ADAMTS10: variants seen among roughly 807,000 people sequenced by gnomAD.
ADAMTS10 encodes the protein ADAM metallopeptidase with thrombospondin type 1 motif 10.
ADAMTS10 carries 48 observed loss-of-function variants against 135.9 expected under a neutral mutation model. The observed-to-expected ratio is 0.35, with a 90% CI of 0.28 to 0.45. The LOEUF (loss-of-function observed/expected upper bound fraction) is 0.45, where lower values mean the gene tolerates loss of function less well. ADAMTS10 is among the 20% of genes least tolerant of loss of function. The pLI, the probability that ADAMTS10 is intolerant of heterozygous loss-of-function variation, is 1.00. For missense variants in ADAMTS10, 1,131 were observed against 1,565.2 expected, an observed-to-expected ratio of 0.72 and a Z score of 4.68; for synonymous variants, 621 against 647.5, an observed-to-expected ratio of 0.96 and a Z score of 0.62.
intron 25 of ADAMTS10, 129 bp from the exon 26 acceptor site, chr19:8,581,131 T>TTTTTTTTTTTTTTTTTTTTTTTTTTTTTC (rs2042343416): frequency 3.5e-5 from 1 of 28,572 alleles, no homozygotes; most frequent in Non-Finnish European, 6.5e-5. Context: ...TTAAATTTAC[T>TTTTTTTTTTTTTTTTTTTTTTTTTTTTTC]TTTTTTTTTT....
chr19:8,600,790 G>C (rs543731041), intron 6 of ADAMTS10, 138 bp downstream of exon 6: 4 of 1,085,088 alleles, frequency 3.7e-6, no homozygotes, highest in African/African-American at 1.5e-5. Flanking sequence ...GAGCCACCGC[G>C]CCCGGCCTGC....
chr19:8,605,891 T>G lies in ADAMTS10; in HGVS notation c.-99-82A>C. The G allele has an allele frequency of 7.7e-7, 1 of 1,291,268 alleles. No individual in the cohort carries two copies. The highest frequency in any genetic ancestry group is 2.8e-5 in the Admixed American group (1 of 35,196). The allele number at this position is 1,291,268 out of a possible 1,614,324, so 80.0% of individuals were successfully genotyped here. ...TGCCAAGGCCAATCATGGCCAAAGC[T>G]TTTCACCTGACTCTGAAGATTCTGA... On this transcript the variant is annotated intron_variant, in intron 2 of 25. Coordinates refer to ENST00000597188, the MANE Select transcript of ADAMTS10 (RefSeq NM_030957.4). This position sits in a 1 kb window ranked among gnomAD's most constrained non-coding sequence, Gnocchi z 7.7.
intron 13 of ADAMTS10, chr19:8,592,322 A>T: frequency 1.1e-6 from 1 of 901,408 alleles, no homozygotes; most frequent in Non-Finnish European, 1.6e-6. Context: ...CAGGGTGCTT[A>T]ACGGGGAGGG....
At chr19:8,600,686 GAT>G (rs1555741334) in intron 6 of ADAMTS10, among the ~76,000 whole-genome samples, 5 of 151,916 alleles carry the variant, frequency 3.3e-5, no homozygotes, top group Admixed American at 1.3e-4. Flanking sequence ...TTTTAGTAGA[GAT>G]GGGGTTTCAC....
intron 22 of ADAMTS10, 77 bp downstream of exon 22, chr19:8,586,045 C>G (rs1036110508): frequency 1.2e-6 from 2 of 1,607,682 alleles, no homozygotes; most frequent in Admixed American, 3.3e-5. Context: ...CTCCCCACCC[C>G]CCTGGAGCAC....
In ADAMTS10 at chr19:8,586,766, G is replaced by A. The variant is rs782445549; in HGVS notation, c.2240-45C>T. 23 of 1,613,960 alleles carry A rather than the reference G, an allele frequency of 1.4e-5. 2 individuals are homozygous for A. The highest frequency in any genetic ancestry group is 7.7e-5 in the South Asian group (7 of 91,076). On this transcript the variant is annotated intron_variant, in intron 19 of 25. Transcript: ENST00000597188. ...TCAGAATTCTAGTCATGCTGAAACC[G>A]CCCTCCCCACTGACCCCTAATCCTC... is the stretch of plus-strand genomic sequence containing the variant.
rs1273000557 is a variant in ADAMTS10 at position 8,586,205 on chromosome 19, G to A, written c.2577C>T (p.Ser859=). The A allele has an allele frequency of 3.7e-6, 6 of 1,612,966 alleles. No individual in the cohort carries two copies. Among genetic ancestry groups the A allele is most frequent in the Non-Finnish European group, 5.1e-6 (6 of 1,179,946 alleles). The change falls in exon 22 of 26, where the codon TCC becomes TCT. Residue 859 remains serine, a synonymous_variant. Coordinates refer to ENST00000597188, the MANE Select transcript of ADAMTS10 (RefSeq NM_030957.4). ...CACTGCAGTAGTGGGGGGCGACCGC[G>A]GAGCTGTCCAGCTGGTTGCGGCACT... is the stretch of plus-strand genomic sequence containing the variant. ...AVECRNQLDS[S]AVAPHYCSAH...
chr19:8,591,891 G>A, intron 14 of ADAMTS10, 28 bp from the exon 15 acceptor site: 1 of 1,612,838 alleles, frequency 6.2e-7, no homozygotes, highest in Non-Finnish European at 8.5e-7. Context: ...ATAGGAGAGG[G>A]ATGAGGCAGT....
In ADAMTS10 at chr19:8,592,022, C is replaced by G. The variant is rs1555739093; in HGVS notation, c.1669G>C (p.Gly557Arg). The G allele has an allele frequency of 1.9e-6, 3 of 1,613,644 alleles. No individual in the cohort carries two copies. Among genetic ancestry groups the G allele is most frequent in the Non-Finnish European group, 2.5e-6 (3 of 1,179,862 alleles). ...DGAWGPWTPW[G>R]DCSRTCGGGV... ...CCGCCACAGGTCCGGCTGCAGTCGC[C>G]CCATGGAGTCCACGGCCCCCAGGCT... The change falls in exon 14 of 26, where the codon GGC (glycine) becomes CGC (arginine). Residue 557 changes from glycine to arginine, a missense_variant. Physicochemically the swap from Gly to Arg is moderately radical, Grantham distance 125. Coordinates refer to ENST00000597188, the MANE Select transcript of ADAMTS10 (RefSeq NM_030957.4).
intron 25 of ADAMTS10, among the ~76,000 whole-genome samples, chr19:8,584,154 C>CAAAAAAAAAAAAAAAAAAAA (rs34412373): frequency 2.2e-5 from 1 of 44,892 alleles, no homozygotes; most frequent in Non-Finnish European, 4.2e-5. Context: ...GACTCCATCT[C>CAAAAAAAAAAAAAAAAAAAA]AAAAAAAAAA....
chr19:8,591,853 C>T lies in ADAMTS10; in HGVS notation c.1744G>A (p.Gly582Arg). ...RHCDSPRPTI[G>R]GKYCLGERRR... ...CTCTCACCCAGACAGTACTTGCCCC[C>T]GATGGTTGGCCTGGAAAGGGTGGTG... The change falls in exon 15 of 26, where the codon GGG becomes AGG. Residue 582 changes from glycine to arginine, a missense_variant. Around this residue, in one of 3 missense-constraint regions of ADAMTS10, gnomAD observed 745 missense variants for 1,056.3 expected, o/e 0.71. Transcript: ENST00000597188. 2 of 1,613,614 alleles carry T rather than the reference C, an allele frequency of 1.2e-6. No individual in the cohort carries two copies. The highest frequency in any genetic ancestry group is 1.1e-5 in the South Asian group (1 of 91,066).
At chr19:8,600,495 CTTTT>C (rs199863617) in intron 6 of ADAMTS10, among the ~76,000 whole-genome samples, 2,538 of 137,446 alleles carry the variant, frequency 0.018, 79 homozygotes, top group African/African-American at 0.067. Flanking sequence ...TCTTTTCTTT[CTTTT>C]CTTTTTTTTT....
intron 6 of ADAMTS10, among the ~76,000 whole-genome samples, chr19:8,600,504 T>C (rs1330489341): frequency 4.7e-4 from 62 of 131,542 alleles, no homozygotes; most frequent in Non-Finnish European, 8.0e-4. Flanking sequence ...TCTTTTCTTT[T>C]TTTTTTTTTT....
At position 8,580,559 on chromosome 19, in the gene ADAMTS10, C is replaced by A. The variant is rs745911505; in HGVS notation, c.*334G>T. The A allele has an allele frequency of 6.2e-6, 2 of 321,142 alleles. No individual in the cohort carries two copies. The highest frequency in any genetic ancestry group is 1.2e-5 in the Non-Finnish European group (2 of 162,744). The allele number at this position is 321,142 out of a possible 1,614,324, so 19.9% of individuals were successfully genotyped here. On this transcript the variant is annotated 3_prime_UTR_variant, in exon 26 of 26. Transcript: ENST00000597188. The stretch of plus-strand genomic sequence containing the variant: ...ACCCCTACTCTTCACAGTACATATT[C>A]CGATCAAAGGAGGGGGGGAGTGTTG...
rs1407739247 is a variant in ADAMTS10, at chr19:8,580,312, C to G, written c.*581G>C. 1 of 156,122 alleles carries G rather than the reference C, an allele frequency of 6.4e-6. No individual in the cohort carries two copies. Among genetic ancestry groups the G allele is most frequent in the Non-Finnish European group, 1.4e-5 (1 of 69,788 alleles). The allele number at this position is 156,122 out of a possible 1,614,324, so 9.7% of individuals were successfully genotyped here. On this transcript the variant is annotated 3_prime_UTR_variant, in exon 26 of 26. Coordinates refer to ENST00000597188, the MANE Select transcript of ADAMTS10 (RefSeq NM_030957.4). ...TGGCAGGAGTGTGTGGGCCCCAGGG[C>G]AGGGTCTGTAGCACCATGAGGGGGT...
chr19:8,587,230 T>G (rs1196683103), intron 18 of ADAMTS10, among the ~76,000 whole-genome samples: 20 of 151,514 alleles, frequency 1.3e-4, no homozygotes, highest in Admixed American at 4.0e-4. Flanking sequence ...GATCTTGGCT[T>G]GCTACAGCCT....
chr19:8,605,854 C>T lies in ADAMTS10; in HGVS notation c.-99-45G>A, dbSNP rs1555742542. The T allele has an allele frequency of 4.8e-6, 7 of 1,450,464 alleles. No homozygotes were observed. The highest frequency in any genetic ancestry group is 4.5e-6 in the Non-Finnish European group (5 of 1,103,086). 89.8% of individuals were successfully genotyped at this position (1,450,464 alleles called of 1,614,324 possible). A position where few individuals can be genotyped will look rare whatever the true frequency, so the allele number is the denominator to read the frequency against. ...TAAGGGGGCGCCTGGTCCCGCTGTC[C>T]AGCACAACCAATGCCAAGGCCAATC... On this transcript the variant is annotated intron_variant, in intron 2 of 25. Transcript: ENST00000597188. The surrounding 1 kb of genome is among the most constrained non-coding windows in gnomAD (Gnocchi z 7.7).
At chr19:8,600,411 G>GCAAC (rs1555741138) in intron 6 of ADAMTS10, among the ~76,000 whole-genome samples, 2 of 151,940 alleles carry the variant, frequency 1.3e-5, no homozygotes, top group East Asian at 1.9e-4. Context: ...ATTGCCATAT[G>GCAAC]CAACCAACCT....
Position 8,580,986 on chromosome 19 carries a change from G to C in ADAMTS10, c.3219C>G (p.Asn1073Lys), listed in dbSNP as rs2042338157. The C allele has an allele frequency of 6.2e-7, 1 of 1,613,540 alleles. No homozygotes were observed. Among genetic ancestry groups the C allele is most frequent in the Non-Finnish European group, 8.5e-7 (1 of 1,179,742 alleles). The stretch of plus-strand genomic sequence containing the variant: ...GCACCAGGGGGCAGTAGGCGACCTT[G>C]TTCACATCCTTGCACTCTGCGGGGA... Reference protein sequence around the residue: ...GDGPEECKDVNKVAYCPLVLK... With the variant: ...GDGPEECKDVKKVAYCPLVLK... The change falls in exon 26 of 26, where the codon AAC (asparagine) becomes AAG (lysine). Residue 1073 changes from asparagine to lysine, a missense_variant. Physicochemically the swap from Asn to Lys is moderately conservative, Grantham distance 94. This residue lies in a region of ADAMTS10 where 745 missense variants were observed against 1,056.3 expected (regional missense o/e 0.71). Coordinates refer to ENST00000597188, the MANE Select transcript of ADAMTS10 (RefSeq NM_030957.4).
Sources: allele counts gnomAD v4.1 joint callset (sites outside exome capture counted in the v4.1 genomes callset), GRCh38; gene constraint gnomAD v4.1.1; regional missense constraint gnomAD v4.1.1; non-coding constraint Gnocchi (gnomAD v3.1); transcripts MANE v1.5; gene names NCBI Gene and HGNC (gene_info 2026-07-23, HGNC 2026-07-21).